The following TOGARAM2 variants were observed in gnomAD, a reference collection of about 807,000 sequenced individuals.
TOGARAM2 encodes the protein TOG array regulator of axonemal microtubules protein 2.
Under a neutral mutation model 93.3 loss-of-function variants are expected in TOGARAM2, and 85 were observed. The ratio of observed to expected loss-of-function variants is 0.91; its 90% confidence interval spans 0.76 to 1.09. The LOEUF is 1.09. Among genes scored for constraint, TOGARAM2 ranks in the 50% least tolerant of loss-of-function variants. The probability of loss-of-function intolerance (pLI) is 0.00; values close to 1 mark genes in which losing one functional copy is unlikely to be tolerated. For synonymous variants in TOGARAM2, 593 were observed against 552.8 expected, an observed-to-expected ratio of 1.07 and a Z score of -1.02; for missense variants, 1,277 against 1,334.5, an observed-to-expected ratio of 0.96 and a Z score of 0.67.
At chr2:28,959,479 T>G (rs565300758) in intron 1 of TOGARAM2, among the ~76,000 whole-genome samples, 1 of 152,050 alleles carries the variant, frequency 6.6e-6, no homozygotes, top group East Asian at 1.9e-4. Context: ...ATAGGCCGGG[T>G]GCGGTGGCTC....
At chr2:29,000,557 C>A (rs1366780828) in intron 4 of TOGARAM2, among the ~76,000 whole-genome samples, 3 of 152,170 alleles carry the variant, frequency 2.0e-5, no homozygotes, top group Non-Finnish European at 4.4e-5. Context: ...GTGAATCATA[C>A]GGGCTCTTTT....
chr2:28,981,063 C>T (rs138246588), upstream of TOGARAM2, among the ~76,000 whole-genome samples: 699 of 152,318 alleles, frequency 4.6e-3, 7 homozygotes, highest in African/African-American at 0.016. Context: ...CTACCAACAA[C>T]ATCCCTGCAC....
intron 1 of TOGARAM2, among the ~76,000 whole-genome samples, chr2:28,968,596 C>T (rs1171356507): frequency 6.6e-6 from 1 of 151,968 alleles, no homozygotes; most frequent in Non-Finnish European, 1.5e-5. Context: ...TGCATGAGTC[C>T]AGGAGATCGA....
chr2:29,000,511 A>G (rs1272742667), intron 4 of TOGARAM2, among the ~76,000 whole-genome samples: 1 of 152,144 alleles, frequency 6.6e-6, no homozygotes, highest in African/African-American at 2.4e-5. Flanking sequence ...AACTTAATAC[A>G]TTGTTACTAT....
chr2:29,046,147 C>G (rs912556620), intron 19 of TOGARAM2: 35 of 152,400 alleles, frequency 2.3e-4, no homozygotes, highest in African/African-American at 8.4e-4. Flanking sequence ...TAGCCTGAGT[C>G]TACTCAGCCT....
At position 29,022,148 on chromosome 2, in the gene TOGARAM2, G is replaced by A. The variant is rs1664993462; in HGVS notation, c.1361-10G>A. ...GCGTGAAGCCTGCTGTTTCTTTCTT[G>A]TGAATGCAGCTAACTCATTACCTGC... is the stretch of plus-strand genomic sequence containing the variant. On this transcript the variant is annotated splice_polypyrimidine_tract_variant and intron_variant, in intron 10 of 19. Coordinates refer to ENST00000379558, the MANE Select transcript of TOGARAM2 (RefSeq NM_199280.4). The A allele has an allele frequency of 1.2e-6, 2 of 1,613,966 alleles. No individual in the cohort carries two copies. Among genetic ancestry groups the A allele is most frequent in the East Asian group, 2.2e-5 (1 of 44,870 alleles).
At chr2:28,964,501 C>G (rs946601544) in intron 1 of TOGARAM2, among the ~76,000 whole-genome samples, 1 of 139,396 alleles carries the variant, frequency 7.2e-6, no homozygotes, top group Non-Finnish European at 1.5e-5. Flanking sequence ...ATTTTTAGTT[C>G]TGGGTTACAT....
At chr2:28,961,561 G>A (rs1421560264) in intron 1 of TOGARAM2, among the ~76,000 whole-genome samples, 5 of 152,084 alleles carry the variant, frequency 3.3e-5, no homozygotes, top group African/African-American at 4.8e-5. Context: ...GGCTGGTCTC[G>A]AACTCCTGAT....
In TOGARAM2 at chr2:29,010,362, G is replaced by C. The variant is rs138532060; in HGVS notation, c.831-1093G>C. Among the ~76,000 whole-genome samples, 1,518 of 152,238 alleles carry C rather than the reference G, an allele frequency of 1.0e-2. 21 individuals carry two copies. Among genetic ancestry groups the C allele is most frequent in the African/African-American group, 0.034 (1,417 of 41,548 alleles). ...TTCGCTTACTATCTCCAGCCCACAC[G>C]ATCCCTCCCTGTGGGTCCAGACCCA... On this transcript the variant is annotated intron_variant, in intron 6 of 19. Transcript: ENST00000379558.
At chr2:28,975,069 T>C (rs1672004927) in intron 1 of TOGARAM2, among the ~76,000 whole-genome samples, 1 of 152,130 alleles carries the variant, frequency 6.6e-6, no homozygotes, top group Non-Finnish European at 1.5e-5. Context: ...TTTTTCTTTC[T>C]TAAATTTTTT....
chr2:29,000,315 G>C (rs1673219103), intron 4 of TOGARAM2, among the ~76,000 whole-genome samples: 1 of 152,000 alleles, frequency 6.6e-6, no homozygotes, highest in Admixed American at 6.6e-5. Context: ...CTGTGTGGTG[G>C]ACAAGCCAAG....
At chr2:29,023,646 G>A (rs552741734) in intron 12 of TOGARAM2, among the ~76,000 whole-genome samples, 57 of 152,324 alleles carry the variant, frequency 3.7e-4, no homozygotes, top group African/African-American at 1.4e-3. Context: ...TCCAGTGGGG[G>A]TGGGGTGGGG....
intron 18 of TOGARAM2, among the ~76,000 whole-genome samples, chr2:29,040,256 C>A (rs1666351545): frequency 6.6e-6 from 1 of 152,114 alleles, no homozygotes; most frequent in South Asian, 2.1e-4. Flanking sequence ...TCACATGCTA[C>A]TGGGCAGTCT....
At chr2:29,007,044 C>T (rs1663922447) in intron 6 of TOGARAM2, among the ~76,000 whole-genome samples, 1 of 152,086 alleles carries the variant, frequency 6.6e-6, no homozygotes, top group Non-Finnish European at 1.5e-5. Flanking sequence ...TCCTGTGTGC[C>T]CTCTTCCATT....
intron 14 of TOGARAM2, 44 bp downstream of exon 14, chr2:29,027,055 C>A: frequency 6.6e-7 from 1 of 1,508,152 alleles, no homozygotes. Flanking sequence ...GGCAACCAAC[C>A]AGCCAGCCCT....
rs552444256 is a variant in TOGARAM2, at chr2:29,024,198, C to G, written c.1677C>G (p.Phe559Leu). ...CCATCAGCACCTTGGGAGACCTCTT[C>G]CAGGCCTTGAAGAAGAATATGGACC... The part of the protein sequence containing the change: ...HLAISTLGDL[F>L]QALKKNMDQE... Residue 559 changes from phenylalanine to leucine, a missense_variant, in exon 13 of 20, where the codon TTC (phenylalanine) becomes TTG (leucine). Phe to Leu is a conservative substitution (Grantham distance 22). Coordinates refer to ENST00000379558, the MANE Select transcript of TOGARAM2 (RefSeq NM_199280.4). The G allele has an allele frequency of 6.2e-7, 1 of 1,604,962 alleles. No homozygotes were observed. The highest frequency in any genetic ancestry group is 1.1e-5 in the South Asian group (1 of 89,168).
chr2:28,991,642 C>T (rs537215057), intron 1 of TOGARAM2, among the ~76,000 whole-genome samples: 1 of 152,290 alleles, frequency 6.6e-6, no homozygotes, highest in South Asian at 2.1e-4. Flanking sequence ...TGAGTCTGCC[C>T]AGCTCCTTGG....
intron 2 of TOGARAM2, among the ~76,000 whole-genome samples, chr2:28,996,706 C>T (rs1020906285): frequency 1.6e-4 from 24 of 150,096 alleles, no homozygotes; most frequent in African/African-American, 5.6e-4. Context: ...GCCTGTAATC[C>T]CAGCTACTAG....
chr2:28,990,688 T>C (rs368838976), intron 1 of TOGARAM2, among the ~76,000 whole-genome samples: 2 of 152,250 alleles, frequency 1.3e-5, no homozygotes, highest in Admixed American at 6.5e-5. Context: ...ATGGAGGGTA[T>C]CCCTGAGTGC....
Sources: allele counts gnomAD v4.1 joint callset (sites outside exome capture counted in the v4.1 genomes callset), GRCh38; gene constraint gnomAD v4.1.1; transcripts MANE v1.5; gene names NCBI Gene and HGNC (gene_info 2026-07-23, HGNC 2026-07-21).